The following FGFRL1 variants were observed in gnomAD, a reference collection of about 807,000 sequenced individuals.
The protein encoded by FGFRL1 is fibroblast growth factor receptor like 1, also known as fibroblast growth factor receptor-like 1.
FGFRL1 carries 24 observed loss-of-function variants against 36.8 expected under a neutral mutation model. That is an observed-to-expected ratio of 0.65 (90% CI 0.47 to 0.92). The LOEUF (loss-of-function observed/expected upper bound fraction) is 0.92, where lower values mean the gene tolerates loss of function less well. FGFRL1 is among the 40% of genes least tolerant of loss of function. FGFRL1 has a pLI of 0.00. For synonymous variants in FGFRL1, 422 were observed against 344.1 expected, an observed-to-expected ratio of 1.23 and a Z score of -2.50; for missense variants, 785 against 753.4, an observed-to-expected ratio of 1.04 and a Z score of -0.49.
chr4:1,014,921 G>GC (rs1560558294), intron 2 of FGFRL1, among the ~76,000 whole-genome samples: 1 of 152,208 alleles, frequency 6.6e-6, no homozygotes, highest in Non-Finnish European at 1.5e-5. Context: ...GCCTGGAAAC[G>GC]CCGACCGCAG....
In FGFRL1 at chr4:1,025,141, G is replaced by T. The variant is rs770052916; in HGVS notation, c.1309G>T (p.Ala437Ser). Residue 437 changes from alanine to serine, a missense_variant, in exon 7 of 7, where the codon GCC becomes TCC. Transcript: ENST00000510644. ...AGACAAGGACCTTCCCTCGTTGGCC[G>T]CCCTCAGCGCTGGCCCTGGTGTGGG... ...SGDKDLPSLAALSAGPGVGLC... is the reference protein window; with the variant it reads ...SGDKDLPSLASLSAGPGVGLC... 4 of 1,610,546 alleles carry T rather than the reference G, an allele frequency of 2.5e-6. No homozygotes were observed. The highest frequency in any genetic ancestry group is 3.4e-6 in the Non-Finnish European group (4 of 1,179,104).
intron 2 of FGFRL1, among the ~76,000 whole-genome samples, chr4:1,018,293 T>C (rs1715997295): frequency 6.8e-6 from 1 of 146,470 alleles, no homozygotes; most frequent in South Asian, 2.3e-4. Flanking sequence ...CTCTGGGCCT[T>C]GCTGCTGTGG....
At chr4:1,010,548 G>A (rs753205112), upstream of FGFRL1, among the ~76,000 whole-genome samples, 4 of 152,256 alleles carry the variant, frequency 2.6e-5, no homozygotes, top group Non-Finnish European at 4.4e-5. Flanking sequence ...AGGACTTCCT[G>A]GAAGAGGGGG....
At position 1,022,250 on chromosome 4, in the gene FGFRL1, C is replaced by T. The variant is rs1456121217; in HGVS notation, c.127C>T (p.Leu43=). Residue 43 remains leucine, a synonymous_variant, in exon 3 of 7, where the codon CTG becomes TTG. Coordinates refer to ENST00000510644, the MANE Select transcript of FGFRL1 (RefSeq NM_001004356.3). ...DKVVPRQVAR[L]GRTVRLQCPV... ...GGTGGTCCCACGGCAGGTGGCCCGGCTGGGCCGCACTGTGCGGCTGCAGTG... is the reference window on the plus strand; with the variant it reads ...GGTGGTCCCACGGCAGGTGGCCCGGTTGGGCCGCACTGTGCGGCTGCAGTG... The T allele has an allele frequency of 1.3e-6, 2 of 1,553,432 alleles. No individual in the cohort carries two copies. The highest frequency in any genetic ancestry group is 1.7e-6 in the Non-Finnish European group (2 of 1,147,152).
chr4:1,026,438 G>T lies in FGFRL1; in HGVS notation c.*1091G>T, dbSNP rs143441743. 2.5e-5 allele frequency: 4 copies of T among 160,146 alleles called. No homozygotes were observed. The highest frequency in any genetic ancestry group is 5.5e-5 in the Non-Finnish European group (4 of 73,328). The allele number at this position is 160,146 out of a possible 1,614,324, so 9.9% of individuals were successfully genotyped here. On this transcript the variant is annotated 3_prime_UTR_variant, in exon 7 of 7. Coordinates refer to ENST00000510644, the MANE Select transcript of FGFRL1 (RefSeq NM_001004356.3). ...CCCAACTCTGCCCGCCTCTGTCCCC[G>T]CCTCAGTCCCCGCCTCCATCCCCGC...
In FGFRL1 at chr4:1,022,232, C is replaced by A; in HGVS notation, c.109C>A (p.Pro37Thr). Reference protein sequence around the residue: ...GPPKMADKVVPRQVARLGRTV... With the variant: ...GPPKMADKVVTRQVARLGRTV... ...CCCAAAGATGGCGGACAAGGTGGTC[C>A]CACGGCAGGTGGCCCGGCTGGGCCG... The change falls in exon 3 of 7, where the codon CCA becomes ACA. Residue 37 changes from proline to threonine, a missense_variant. Transcript: ENST00000510644. 6.4e-7 allele frequency: 1 copy of A among 1,553,044 alleles called. No homozygotes were observed. The highest frequency in any genetic ancestry group is 8.7e-7 in the Non-Finnish European group (1 of 1,146,364).
At chr4:1,010,501 C>A (rs572973116), upstream of FGFRL1, among the ~76,000 whole-genome samples, 2 of 152,260 alleles carry the variant, frequency 1.3e-5, no homozygotes, top group Non-Finnish European at 2.9e-5. Flanking sequence ...CTGGGGACAC[C>A]GGCTGCCAGG....
intron 2 of FGFRL1, among the ~76,000 whole-genome samples, chr4:1,018,632 C>T (rs1053972563): frequency 6.6e-6 from 1 of 152,164 alleles, no homozygotes; most frequent in African/African-American, 2.4e-5. Flanking sequence ...TGCTGTCATG[C>T]CCCGGCGGGG....
Position 1,024,670 on chromosome 4 carries a change from C to T in FGFRL1, c.1072+6C>T, listed in dbSNP as rs750989847. ...CTTCCTCACCGTGCTGCCAGGTGCG[C>T]GGCTGCCACGCCACGCCACACCATG... is the stretch of plus-strand genomic sequence containing the variant. On this transcript the variant is annotated splice_donor_region_variant and intron_variant, in intron 6 of 6. Transcript: ENST00000510644. 6.0e-5 allele frequency: 96 copies of T among 1,589,454 alleles called. No homozygotes were observed. Among genetic ancestry groups the T allele is most frequent in the Middle Eastern group, 1.7e-4 (1 of 6,030 alleles).
intron 6 of FGFRL1, 87 bp from the exon 7 acceptor site, chr4:1,024,818 C>A: frequency 7.0e-7 from 1 of 1,432,412 alleles, no homozygotes; most frequent in Non-Finnish European, 9.3e-7. Context: ...GGCACCGTCT[C>A]CACAGCCCCT....
rs1716354660 is a variant in FGFRL1, at chr4:1,024,054, C to T, written c.671C>T (p.Ser224Leu). 9 of 1,605,994 alleles carry T rather than the reference C, an allele frequency of 5.6e-6. No individual in the cohort carries two copies. The highest frequency in any genetic ancestry group is 3.3e-5 in the South Asian group (3 of 90,496). The change falls in exon 5 of 7, where the codon TCG (serine) becomes TTG (leucine). Residue 224 changes from serine (S) to leucine (L), a missense_variant. Transcript: ENST00000510644. ...AGCGGCAAATACACCTGCCGCGTGT[C>T]GAACCGCGCGGGCGCCATCAACGCC... ...EDSGKYTCRVSNRAGAINATY... is the reference protein window; with the variant it reads ...EDSGKYTCRVLNRAGAINATY...
In FGFRL1 at chr4:1,023,515, C is replaced by A; in HGVS notation, c.353-126C>A. 1 of 856,024 alleles carries A rather than the reference C, an allele frequency of 1.2e-6. No homozygotes were observed. The highest frequency in any genetic ancestry group is 1.9e-6 in the Non-Finnish European group (1 of 528,884). 53.0% of individuals were successfully genotyped at this position (856,024 alleles called of 1,614,324 possible). On this transcript the variant is annotated intron_variant, in intron 3 of 6. Coordinates refer to ENST00000510644, the MANE Select transcript of FGFRL1 (RefSeq NM_001004356.3). The surrounding 1 kb of genome is among the most constrained non-coding windows in gnomAD (Gnocchi z 6.0). ...TCTGGGCTGTGGGTGTGTGGCGCAG[C>A]CCCCTGCCTGGGTGTCCAGGGCTGT...
Position 1,017,968 on chromosome 4 carries a change from G to C in FGFRL1, c.80-4235G>C, listed in dbSNP as rs1257975888. Among the ~76,000 whole-genome samples, 4 of 152,336 alleles carry C rather than the reference G, an allele frequency of 2.6e-5. No individual in the cohort carries two copies. In the East Asian group the frequency reaches 5.8e-4, roughly 22 times the overall value. On this transcript the variant is annotated intron_variant, in intron 2 of 6. Transcript: ENST00000510644. ...CGGGACACCACGAGCACGGGAGAGG[G>C]GCTTGGGTGTGGGTTTGGACCACGT...
Position 1,022,456 on chromosome 4 carries a change from CTA to C in FGFRL1, c.334_335del (p.Tyr112HisfsTer7), listed in dbSNP as rs762347391. The C allele has an allele frequency of 1.2e-6, 2 of 1,606,620 alleles. No individual in the cohort carries two copies. Among genetic ancestry groups the C allele is most frequent in the Non-Finnish European group, 1.7e-6 (2 of 1,176,312 alleles). ...ACGGCTTCGGCAGCCTGAGCGTCAA[CTA>C]CACCCTCGTCGTGCTGGGTTAGTCG... ...TNGFGSLSVN[Y>X]TLVVLDDISP... On this transcript the variant is annotated frameshift_variant, in exon 3 of 7. Coordinates refer to ENST00000510644, the MANE Select transcript of FGFRL1 (RefSeq NM_001004356.3). LOFTEE classifies it high-confidence loss of function.
intron 2 of FGFRL1, 105 bp from the exon 3 acceptor site, chr4:1,022,098 C>A: frequency 1.1e-6 from 1 of 887,474 alleles, no homozygotes; most frequent in Non-Finnish European, 1.7e-6. Flanking sequence ...CCAGGTGGAG[C>A]TCAGGCCCGA....
chr4:1,025,100 CCCGCGACCG>C lies in FGFRL1; in HGVS notation c.1270_1278del (p.Arg424_Arg426del). The C allele has an allele frequency of 6.2e-7, 1 of 1,610,828 alleles. No homozygotes were observed. The highest frequency in any genetic ancestry group is 1.1e-5 in the South Asian group (1 of 90,884). On this transcript the variant is annotated inframe_deletion, in exon 7 of 7. Transcript: ENST00000510644. ...CCTGGGCACCGCCCGCCGGGGACGG[CCCGCGACCG>C]CAGCGGAGACAAGGACCTTCCCTCG...
rs550449874 is a variant in FGFRL1 at position 1,019,543 on chromosome 4, G to T, written c.80-2660G>T. On this transcript the variant is annotated intron_variant, in intron 2 of 6. Transcript: ENST00000510644. ...TCAACCTGGGGTGCGTCTGGGACCT[G>T]GGCCGGCTGGGAAGGGGTCAGGAGG... is the stretch of plus-strand genomic sequence containing the variant. Among the ~76,000 whole-genome samples the T allele has an allele frequency of 2.0e-4, 31 of 152,328 alleles. No homozygotes were observed. In the South Asian group the frequency reaches 5.4e-3, roughly 26 times the overall value.
In FGFRL1 at chr4:1,026,150, C is replaced by T. The variant is rs1177921422; in HGVS notation, c.*803C>T. On this transcript the variant is annotated 3_prime_UTR_variant, in exon 7 of 7. Transcript: ENST00000510644. ...AACACTCACACACGTGCAGATATTG[C>T]CTGGACACACACATGTGCACAGATA... The T allele has an allele frequency of 6.4e-6, 1 of 155,686 alleles. No individual in the cohort carries two copies. Among genetic ancestry groups the T allele is most frequent in the African/African-American group, 2.4e-5 (1 of 40,982 alleles). 9.6% of individuals were successfully genotyped at this position (155,686 alleles called of 1,614,324 possible).
In FGFRL1 at chr4:1,021,424, G is replaced by A. The variant is rs141935615; in HGVS notation, c.80-779G>A. Among the ~76,000 whole-genome samples, 138 of 152,212 alleles carry A rather than the reference G, an allele frequency of 9.1e-4. 1 individual carries two copies. Among genetic ancestry groups the A allele is most frequent in the Non-Finnish European group, 1.6e-3 (111 of 67,978 alleles). On this transcript the variant is annotated intron_variant, in intron 2 of 6. Coordinates refer to ENST00000510644, the MANE Select transcript of FGFRL1 (RefSeq NM_001004356.3). ...AGTGCCCGTGGTCAGCCCGAGCTAC[G>A]TCTCTCCAGAGGCTTGCTCTCTGAC...
Sources: gnomAD v4.1 joint callset for allele counts (sites outside exome capture counted in the v4.1 genomes callset) on GRCh38, gnomAD v4.1.1 for gene constraint, Gnocchi (gnomAD v3.1) non-coding constraint, MANE v1.5 for transcripts, NCBI Gene and HGNC (gene_info 2026-07-23, HGNC 2026-07-21) for gene names.